RNF144A: variants seen among roughly 807,000 people sequenced by gnomAD.
The protein encoded by RNF144A is ring finger protein 144A, also known as E3 ubiquitin-protein ligase RNF144A.
In RNF144A, 11 loss-of-function variants were observed where a neutral mutation model predicts 38.7. That is an observed-to-expected ratio of 0.28 (90% CI 0.18 to 0.47). The LOEUF (loss-of-function observed/expected upper bound fraction) is 0.47. Among genes scored for constraint, RNF144A ranks in the 20% least tolerant of loss-of-function variants. The pLI is 0.99. For synonymous variants in RNF144A, 149 were observed against 143.9 expected (o/e 1.04, Z -0.25); for missense variants, 316 against 377.2 (o/e 0.84, Z 1.34).
intron 2 of RNF144A, among the ~76,000 whole-genome samples, chr2:6,990,284 C>T (rs1387660273): frequency 6.6e-6 from 1 of 151,700 alleles, no homozygotes; most frequent in Non-Finnish European, 1.5e-5. Context: ...GCTCTCTCGT[C>T]CTCTTCTTGT....
Position 6,944,773 on chromosome 2 carries a change from T to C in RNF144A, c.-12+3626T>C, listed in dbSNP as rs1267652006. ...GCCACGCCCACCTCCCAGGACGCTGTGTTTGGGAATCTGTCTCAAACAAAT... is the reference window on the plus strand; with the variant it reads ...GCCACGCCCACCTCCCAGGACGCTGCGTTTGGGAATCTGTCTCAAACAAAT... On this transcript the variant is annotated intron_variant, in intron 2 of 8. Transcript: ENST00000320892. This position sits in a 1 kb window ranked among gnomAD's most constrained non-coding sequence, Gnocchi z 4.7. Among the ~76,000 whole-genome samples, 2 of 152,194 alleles carry C rather than the reference T, an allele frequency of 1.3e-5. No homozygotes were observed. Among genetic ancestry groups the C allele is most frequent in the African/African-American group, 4.8e-5 (2 of 41,458 alleles).
intron 3 of RNF144A, among the ~76,000 whole-genome samples, chr2:7,009,046 A>C (rs148777018): frequency 6.6e-6 from 1 of 152,234 alleles, no homozygotes; most frequent in African/African-American, 2.4e-5. Context: ...GCATAGGGCC[A>C]CAGAGGCATT....
At position 6,958,441 on chromosome 2, in the gene RNF144A, G is replaced by A. The variant is rs760302920; in HGVS notation, c.-12+17294G>A. Among the ~76,000 whole-genome samples, 67 of 152,148 alleles carry A rather than the reference G, an allele frequency of 4.4e-4. No homozygotes were observed. The highest frequency in any genetic ancestry group is 7.6e-4 in the Non-Finnish European group (52 of 68,038). On this transcript the variant is annotated intron_variant, in intron 2 of 8. Transcript: ENST00000320892. The surrounding 1 kb of genome is among the most constrained non-coding windows in gnomAD (Gnocchi z 4.5). ...GTAGAGCAGCTGATTAAAGTTCTCG[G>A]GCCAGATGTCTTAGTGATTCATGGT...
At chr2:6,950,096 A>C (rs1001926888) in intron 2 of RNF144A, among the ~76,000 whole-genome samples, 1 of 152,128 alleles carries the variant, frequency 6.6e-6, no homozygotes, top group Non-Finnish European at 1.5e-5. Context: ...CACATGAAAA[A>C]CTTCATTATG....
chr2:6,960,944 A>G (rs1407745031), intron 2 of RNF144A, among the ~76,000 whole-genome samples: 1 of 152,162 alleles, frequency 6.6e-6, no homozygotes, highest in African/African-American at 2.4e-5. Flanking sequence ...TGGTCAGCAT[A>G]ATGCCAATTT....
Position 7,059,340 on chromosome 2 carries a change from C to T in RNF144A, c.735-8876C>T, listed in dbSNP as rs151176149. On this transcript the variant is annotated intron_variant, in intron 6 of 6. Coordinates refer to the RNF144A transcript ENST00000432850. ...CAGCCTGGGTGACAGAGCGAGACTC[C>T]GCCTCAAAAAAAAATAAATGCTACT... Among the ~76,000 whole-genome samples the T allele has an allele frequency of 2.2e-3, 329 of 151,600 alleles. 1 individual carries two copies. Among genetic ancestry groups the T allele is most frequent in the Middle Eastern group, 0.014 (4 of 294 alleles).
intron 1 of RNF144A, among the ~76,000 whole-genome samples, chr2:6,926,187 C>T (rs1664853523): frequency 6.6e-6 from 1 of 152,234 alleles, no homozygotes; most frequent in African/African-American, 2.4e-5. Flanking sequence ...AGCTGCGCCA[C>T]ATCTGTGTTG....
intron 1 of RNF144A, among the ~76,000 whole-genome samples, chr2:6,931,955 A>C (rs1178583905): frequency 6.6e-6 from 1 of 152,142 alleles, no homozygotes; most frequent in Non-Finnish European, 1.5e-5. Context: ...TATTCAGTTC[A>C]ACTATGTTCT....
intron 3 of RNF144A, among the ~76,000 whole-genome samples, chr2:7,000,069 C>G (rs1338803614): frequency 1.3e-5 from 2 of 152,200 alleles, no homozygotes; most frequent in African/African-American, 4.8e-5. Flanking sequence ...TGGCACTCCC[C>G]TGAAGCAGGT....
In RNF144A at chr2:6,931,583, T is replaced by G. The variant is rs182004778; in HGVS notation, c.-211-9365T>G. ...TGTCATTTTTTTCCTAGTTTTCAGTTAAAGATAGCCTAGATGAAATAATGC... is the reference window on the plus strand; with the variant it reads ...TGTCATTTTTTTCCTAGTTTTCAGTGAAAGATAGCCTAGATGAAATAATGC... On this transcript the variant is annotated intron_variant, in intron 1 of 8. Coordinates refer to ENST00000320892, the MANE Select transcript of RNF144A (RefSeq NM_014746.6). 1.9e-3 allele frequency among the ~76,000 whole-genome samples: 295 copies of G among 152,392 alleles called. 3 individuals carry two copies. Among genetic ancestry groups the G allele is most frequent in the African/African-American group, 6.7e-3 (280 of 41,598 alleles).
rs1214204042 is a variant in RNF144A, at chr2:7,024,349, T to A, written c.510-20T>A. ...CGTGGGATCCGTTTGTGCAGAGTCC[T>A]CACGGCGTTTCTCCCACAGTGCTGC... On this transcript the variant is annotated intron_variant, in intron 6 of 8. Coordinates refer to ENST00000320892, the MANE Select transcript of RNF144A (RefSeq NM_014746.6). 6.3e-7 allele frequency: 1 copy of A among 1,590,098 alleles called. No individual in the cohort carries two copies. Among genetic ancestry groups the A allele is most frequent in the Non-Finnish European group, 8.6e-7 (1 of 1,160,192 alleles).
chr2:7,008,345 G>T (rs1670582707), intron 3 of RNF144A, among the ~76,000 whole-genome samples: 1 of 152,222 alleles, frequency 6.6e-6, no homozygotes, highest in Non-Finnish European at 1.5e-5. Context: ...CCGGCTGCAG[G>T]TTGTGCCCAG....
At chr2:6,942,614 T>G (rs989241124) in intron 2 of RNF144A, among the ~76,000 whole-genome samples, 1 of 152,188 alleles carries the variant, frequency 6.6e-6, no homozygotes, top group Admixed American at 6.5e-5. Flanking sequence ...TCCAGGCACT[T>G]TAGTTTGAGT....
At chr2:6,939,285 G>A (rs1665812698) in intron 1 of RNF144A, among the ~76,000 whole-genome samples, 1 of 152,218 alleles carries the variant, frequency 6.6e-6, no homozygotes, top group African/African-American at 2.4e-5. Flanking sequence ...CCTAGTGGGT[G>A]TGAAGTGGCA....
At chr2:7,018,831 C>G (rs1205400695) in intron 5 of RNF144A, among the ~76,000 whole-genome samples, 2 of 152,082 alleles carry the variant, frequency 1.3e-5, no homozygotes, top group Non-Finnish European at 2.9e-5. Flanking sequence ...TCAAGTTCTT[C>G]TTAATCTTCT....
intron 6 of RNF144A, among the ~76,000 whole-genome samples, chr2:7,057,185 A>G (rs1260796662): frequency 6.6e-6 from 1 of 152,242 alleles, no homozygotes; most frequent in Non-Finnish European, 1.5e-5. Context: ...TATACCCTAT[A>G]CAACAGATTG....
chr2:7,068,888 C>A (rs376036041), downstream of RNF144A, among the ~76,000 whole-genome samples: 104 of 152,304 alleles, frequency 6.8e-4, 1 homozygote, highest in African/African-American at 2.3e-3. Context: ...CACACACACA[C>A]CTAAGTAGAG....
intron 5 of RNF144A, among the ~76,000 whole-genome samples, chr2:7,018,111 C>T (rs151003154): frequency 2.7e-3 from 407 of 152,196 alleles, no homozygotes; most frequent in African/African-American, 9.2e-3. Flanking sequence ...ATGAAGAGAC[C>T]GAGACCCAGC....
intron 6 of RNF144A, among the ~76,000 whole-genome samples, chr2:7,065,057 A>G (rs188109928): frequency 1.3e-3 from 197 of 152,348 alleles, no homozygotes; most frequent in African/African-American, 4.5e-3. Flanking sequence ...TAGTGCAGTG[A>G]TAATTCTAGC....
Sources: gnomAD v4.1 joint callset for allele counts (sites outside exome capture counted in the v4.1 genomes callset) on GRCh38, gnomAD v4.1.1 for gene constraint, Gnocchi (gnomAD v3.1) non-coding constraint, MANE v1.5 for transcripts, NCBI Gene and HGNC (gene_info 2026-07-23, HGNC 2026-07-21) for gene names.